PPP1R16B: variants seen among roughly 807,000 people sequenced by gnomAD.
PPP1R16B encodes protein phosphatase 1 regulatory subunit 16B.
A neutral mutation model predicts 61.7 loss-of-function variants in PPP1R16B; 14 were observed. The ratio of observed to expected loss-of-function variants is 0.23; its 90% CI spans 0.15 to 0.35. PPP1R16B has a LOEUF of 0.35. Ranked by LOEUF, PPP1R16B falls within the 10% of genes least tolerant of loss-of-function variation. PPP1R16B has a pLI of 1.00. For synonymous variants in PPP1R16B, 266 were observed against 305.3 expected (o/e 0.87, Z 1.34); for missense variants, 547 against 752.5 (o/e 0.73, Z 3.19).
chr20:38,836,062 A>G lies in PPP1R16B; in HGVS notation c.137A>G (p.His46Arg). 6.2e-7 allele frequency: 1 copy of G among 1,611,058 alleles called. No individual in the cohort carries two copies. Among genetic ancestry groups the G allele is most frequent in the South Asian group, 1.1e-5 (1 of 90,798 alleles). ...KWAQYEQDLQ[H>R]RKRKHERKRS... ...GCACAGTACGAGCAGGACTTGCAGC[A>G]CCGCAAGCGAAAGCATGAGCGGAAG... Residue 46 changes from histidine to arginine, a missense_variant, in exon 2 of 11, where the codon CAC becomes CGC. Physicochemically the swap from His to Arg is conservative, Grantham distance 29. Coordinates refer to ENST00000299824, the MANE Select transcript of PPP1R16B (RefSeq NM_015568.4).
At chr20:38,898,742 G>A (rs1045666332) in intron 4 of PPP1R16B, among the ~76,000 whole-genome samples, 2 of 152,026 alleles carry the variant, frequency 1.3e-5, no homozygotes, top group East Asian at 1.9e-4. Context: ...CCTGGGAGGC[G>A]GAGGTTGCAG....
chr20:38,893,681 C>T (rs2085309310), intron 3 of PPP1R16B, among the ~76,000 whole-genome samples: 1 of 152,088 alleles, frequency 6.6e-6, no homozygotes, highest in African/African-American at 2.4e-5. Context: ...CCAGCTACCA[C>T]CCACTCCATG....
At chr20:38,908,817 A>G (rs991560873) in intron 10 of PPP1R16B, among the ~76,000 whole-genome samples, 1 of 152,142 alleles carries the variant, frequency 6.6e-6, no homozygotes, top group African/African-American at 2.4e-5. Context: ...AGAAGTCTAA[A>G]ATCCAGGTAA....
intron 2 of PPP1R16B, among the ~76,000 whole-genome samples, chr20:38,874,772 GTGGAGCAAGCA>G (rs2085154366): frequency 6.6e-6 from 1 of 152,190 alleles, no homozygotes. Context: ...CATTCTCATG[GTGGAGCAAGCA>G]TGGGTCAAGT....
At chr20:38,866,025 G>A (rs1662991207) in intron 2 of PPP1R16B, among the ~76,000 whole-genome samples, 1 of 152,014 alleles carries the variant, frequency 6.6e-6, no homozygotes, top group African/African-American at 2.4e-5. Context: ...TCAGGAGGCT[G>A]GGGCAGGAGA....
At chr20:38,833,196 C>T (rs1166095115) in intron 1 of PPP1R16B, among the ~76,000 whole-genome samples, 1 of 152,190 alleles carries the variant, frequency 6.6e-6, no homozygotes, top group African/African-American at 2.4e-5. Flanking sequence ...TGAAAAAAGC[C>T]AATCCTCAAA....
At chr20:38,873,483 A>G (rs147882236) in intron 2 of PPP1R16B, among the ~76,000 whole-genome samples, 18 of 152,304 alleles carry the variant, frequency 1.2e-4, no homozygotes, top group African/African-American at 4.3e-4. Flanking sequence ...GTGTTCTCAC[A>G]GTTTCTGTGA....
chr20:38,877,707 A>G (rs2085177467), intron 2 of PPP1R16B, among the ~76,000 whole-genome samples: 1 of 152,022 alleles, frequency 6.6e-6, no homozygotes, highest in Non-Finnish European at 1.5e-5. Context: ...CCCCTCCTGC[A>G]CCGCTAGCCC....
chr20:38,885,479 C>A (rs1196552239), intron 2 of PPP1R16B, among the ~76,000 whole-genome samples: 8 of 152,246 alleles, frequency 5.3e-5, no homozygotes, highest in Non-Finnish European at 7.3e-5. Flanking sequence ...GTCCCCAAAT[C>A]AGCTGTCAGC....
chr20:38,815,886 C>A (rs1260105059), intron 1 of PPP1R16B, among the ~76,000 whole-genome samples: 1 of 152,088 alleles, frequency 6.6e-6, no homozygotes, highest in Non-Finnish European at 1.5e-5. Flanking sequence ...AGTTGGCAGA[C>A]AAATGAACAA....
chr20:38,881,026 A>G (rs2145752590), intron 2 of PPP1R16B, among the ~76,000 whole-genome samples: 1 of 152,298 alleles, frequency 6.6e-6, no homozygotes, highest in South Asian at 2.1e-4. Flanking sequence ...TATCTGGGGA[A>G]GAGCAAGGGG....
intron 5 of PPP1R16B, 39 bp from the exon 6 acceptor site, chr20:38,902,629 C>A (rs761031532): frequency 1.9e-6 from 3 of 1,613,340 alleles, no homozygotes; most frequent in Non-Finnish European, 2.5e-6. Flanking sequence ...GGGTCGTAGG[C>A]CTGAGGGTGC....
At chr20:38,899,782 C>T (rs1249558531) in intron 4 of PPP1R16B, among the ~76,000 whole-genome samples, 1 of 151,742 alleles carries the variant, frequency 6.6e-6, no homozygotes, top group Non-Finnish European at 1.5e-5. Context: ...GACAAGTGAC[C>T]GAACCTGTCT....
At chr20:38,877,507 TC>T (rs1346057968) in intron 2 of PPP1R16B, among the ~76,000 whole-genome samples, 1 of 152,076 alleles carries the variant, frequency 6.6e-6, no homozygotes, top group East Asian at 1.9e-4. Flanking sequence ...AGATGGGGTT[TC>T]ACCATGTTGG....
intron 2 of PPP1R16B, chr20:38,872,650 G>C (rs992816410): frequency 6.5e-6 from 1 of 152,672 alleles, no homozygotes; most frequent in East Asian, 1.9e-4. Flanking sequence ...CTGGTCCAGG[G>C]ATCACTGAGA....
intron 2 of PPP1R16B, among the ~76,000 whole-genome samples, chr20:38,837,272 T>A (rs2084878430): frequency 2.0e-5 from 3 of 152,342 alleles, no homozygotes; most frequent in Admixed American, 2.0e-4. Flanking sequence ...GAAAATCCAC[T>A]TTAAGGGCTT....
Position 38,918,221 on chromosome 20 carries a change from T to C in PPP1R16B, c.1259T>C (p.Leu420Pro). 1 of 1,614,260 alleles carries C rather than the reference T, an allele frequency of 6.2e-7. No homozygotes were observed. The highest frequency in any genetic ancestry group is 2.2e-5 in the East Asian group (1 of 44,892). The change falls in exon 11 of 11, where the codon CTG (leucine) becomes CCG (proline). Residue 420 changes from leucine (L) to proline (P), a missense_variant. Leu to Pro is a moderately conservative substitution (Grantham distance 98). Coordinates refer to ENST00000299824, the MANE Select transcript of PPP1R16B (RefSeq NM_015568.4). The surrounding 1 kb of genome is among the most constrained non-coding windows in gnomAD (Gnocchi z 5.3). The part of the protein sequence containing the change: ...EFPTKIPRGE[L>P]DMPVENGLRA... ...CCTACCAAGATCCCACGAGGTGAAC[T>C]GGACATGCCTGTTGAGAATGGCCTC...
intron 10 of PPP1R16B, among the ~76,000 whole-genome samples, chr20:38,917,383 C>T (rs1175824962): frequency 6.6e-6 from 1 of 151,438 alleles, no homozygotes; most frequent in Admixed American, 6.6e-5. Context: ...AAATATTTTC[C>T]TAGTTTCTTC....
chr20:38,909,389 G>C lies in PPP1R16B; in HGVS notation c.1194+1196G>C, dbSNP rs145430464. On this transcript the variant is annotated intron_variant, in intron 10 of 10. Coordinates refer to ENST00000299824, the MANE Select transcript of PPP1R16B (RefSeq NM_015568.4). ...AATCTTAATTTAATTTATTACACCT[G>C]CAAATACCTATTTCTAGATAAAGTC... Among the ~76,000 whole-genome samples the C allele has an allele frequency of 7.1e-3, 1,076 of 152,244 alleles. 10 individuals carry two copies. Among genetic ancestry groups the C allele is most frequent in the African/African-American group, 0.02 (810 of 41,526 alleles).
Sources: allele counts gnomAD v4.1 joint callset (sites outside exome capture counted in the v4.1 genomes callset), GRCh38; gene constraint gnomAD v4.1.1; non-coding constraint Gnocchi (gnomAD v3.1); transcripts MANE v1.5; gene names NCBI Gene and HGNC (gene_info 2026-07-23, HGNC 2026-07-21).